Variants in ITGA8 observed in about 807,000 individuals in gnomAD.
ITGA8 encodes integrin subunit alpha 8.
A neutral mutation model predicts 142.3 loss-of-function variants in ITGA8; 91 were observed. The observed-to-expected ratio is 0.64, with a 90% CI of 0.54 to 0.76. The LOEUF is 0.76. Among genes scored for constraint, ITGA8 ranks in the 30% least tolerant of loss-of-function variants. ITGA8 has a pLI of 0.00. For missense variants in ITGA8, 1,406 were observed against 1,327.7 expected (o/e 1.06, Z -0.92); for synonymous variants, 505 against 485.2 (o/e 1.04, Z -0.54).
At position 15,516,887 on chromosome 10, in the gene ITGA8, G is replaced by T; in HGVS notation, c.*271C>A. 3.2e-6 allele frequency: 1 copy of T among 312,780 alleles called. No homozygotes were observed. Among genetic ancestry groups the T allele is most frequent in the Non-Finnish European group, 6.0e-6 (1 of 167,306 alleles). The allele number at this position is 312,780 out of a possible 1,614,324, so 19.4% of individuals were successfully genotyped here. On this transcript the variant is annotated 3_prime_UTR_variant, in exon 30 of 30. Coordinates refer to ENST00000378076, the MANE Select transcript of ITGA8 (RefSeq NM_003638.3). ...TTCCCATACGCATTTCAAAGTGTCT[G>T]CCAAGTACAGAACGATTAAAGCAAA... is the stretch of plus-strand genomic sequence containing the variant.
intron 27 of ITGA8, among the ~76,000 whole-genome samples, chr10:15,542,973 T>G (rs1833601798): frequency 6.6e-6 from 1 of 152,230 alleles, no homozygotes; most frequent in African/African-American, 2.4e-5. Context: ...AGATGTAGTC[T>G]GTCTCGGTCA....
intron 23 of ITGA8, among the ~76,000 whole-genome samples, chr10:15,582,868 GCA>G (rs1284363363): frequency 6.6e-6 from 1 of 152,234 alleles, no homozygotes; most frequent in Non-Finnish European, 1.5e-5. Flanking sequence ...GAAAACAGTT[GCA>G]CAGTTTCTTA....
At chr10:15,698,564 C>A (rs900016628) in intron 2 of ITGA8, among the ~76,000 whole-genome samples, 4 of 152,178 alleles carry the variant, frequency 2.6e-5, no homozygotes, top group Non-Finnish European at 5.9e-5. Context: ...AACATCCACA[C>A]CAACATCTAT....
chr10:15,718,956 A>T, intron 1 of ITGA8, 57 bp from the exon 2 acceptor site: 1 of 1,612,320 alleles, frequency 6.2e-7, no homozygotes, highest in South Asian at 1.1e-5. Flanking sequence ...TGCGCATGCA[A>T]TGCAGTCTCT....
intron 8 of ITGA8, among the ~76,000 whole-genome samples, chr10:15,667,692 G>C (rs1455361166): frequency 7.4e-6 from 1 of 135,288 alleles, no homozygotes; most frequent in Non-Finnish European, 1.6e-5. Context: ...TGCTTTGAAT[G>C]TGTCCCAGAG....
At chr10:15,703,316 G>A (rs1835199532) in intron 2 of ITGA8, among the ~76,000 whole-genome samples, 2 of 152,130 alleles carry the variant, frequency 1.3e-5, no homozygotes, top group South Asian at 4.1e-4. Context: ...TTCCTGTCTT[G>A]AATAACCAAT....
chr10:15,532,719 G>A (rs1833335051), intron 27 of ITGA8, among the ~76,000 whole-genome samples: 1 of 136,082 alleles, frequency 7.3e-6, no homozygotes. Context: ...GCTCATCATG[G>A]CTCTTGAGAC....
At chr10:15,593,286 A>C (rs1228411757) in intron 21 of ITGA8, among the ~76,000 whole-genome samples, 1 of 152,246 alleles carries the variant, frequency 6.6e-6, no homozygotes, top group Admixed American at 6.5e-5. Context: ...GATATAAATA[A>C]GGAAGTAAAA....
At chr10:15,546,079 G>C (rs1400100471) in intron 27 of ITGA8, among the ~76,000 whole-genome samples, 1 of 152,050 alleles carries the variant, frequency 6.6e-6, no homozygotes, top group East Asian at 1.9e-4. Flanking sequence ...TCTGCCTACA[G>C]GTCTTTGCGT....
At chr10:15,550,137 G>T (rs1397169221) in intron 26 of ITGA8, among the ~76,000 whole-genome samples, 1 of 152,136 alleles carries the variant, frequency 6.6e-6, no homozygotes, top group Non-Finnish European at 1.5e-5. Flanking sequence ...GCTTTATAAG[G>T]GGTTTCCTCT....
chr10:15,523,318 GT>G (rs888880356), intron 28 of ITGA8, among the ~76,000 whole-genome samples: 2 of 150,828 alleles, frequency 1.3e-5, no homozygotes, highest in African/African-American at 2.5e-5. Context: ...GACATTTAAA[GT>G]TTTTTTTGTA....
chr10:15,608,746 T>C (rs995230144), intron 15 of ITGA8, among the ~76,000 whole-genome samples: 2 of 152,028 alleles, frequency 1.3e-5, no homozygotes, highest in African/African-American at 4.8e-5. Context: ...GGCAAAGTTG[T>C]AGGAGGCAAG....
intron 26 of ITGA8, among the ~76,000 whole-genome samples, chr10:15,551,708 T>C (rs945808412): frequency 6.6e-6 from 1 of 152,206 alleles, no homozygotes; most frequent in African/African-American, 2.4e-5. Context: ...TCATCAGAAA[T>C]GGGATTCAGT....
At chr10:15,623,776 G>T (rs1257746558) in intron 13 of ITGA8, among the ~76,000 whole-genome samples, 1 of 152,116 alleles carries the variant, frequency 6.6e-6, no homozygotes, top group Non-Finnish European at 1.5e-5. Context: ...TAAGAGCTTT[G>T]ATAAATGCAC....
chr10:15,633,048 A>T (rs1316649919), intron 13 of ITGA8, among the ~76,000 whole-genome samples: 2 of 152,182 alleles, frequency 1.3e-5, no homozygotes, highest in African/African-American at 2.4e-5. Context: ...CATTCTGCTC[A>T]TTGCTAAGGA....
At chr10:15,622,920 T>C (rs78071189) in intron 13 of ITGA8, among the ~76,000 whole-genome samples, 2,139 of 152,300 alleles carry the variant, frequency 0.014, 40 homozygotes, top group African/African-American at 0.049. Flanking sequence ...ATATATCATT[T>C]TTTAACCTTG....
intron 27 of ITGA8, among the ~76,000 whole-genome samples, chr10:15,540,413 A>G (rs1470824820): frequency 1.3e-5 from 2 of 152,070 alleles, no homozygotes; most frequent in South Asian, 2.1e-4. Flanking sequence ...TGCCTGGCTT[A>G]TTTCACTTAA....
chr10:15,575,675 A>G (rs1834277278), intron 23 of ITGA8, 81 bp from the exon 24 acceptor site: 2 of 1,091,674 alleles, frequency 1.8e-6, no homozygotes, highest in Non-Finnish European at 2.8e-6. Context: ...TACTAACAGA[A>G]GCAGAAGAAA....
Position 15,666,913 on chromosome 10 carries a change from G to A in ITGA8, c.847+4690C>T, listed in dbSNP as rs542911852. Among the ~76,000 whole-genome samples the A allele has an allele frequency of 1.6e-3, 239 of 152,226 alleles. 2 individuals are homozygous for A. The highest frequency in any genetic ancestry group is 3.1e-3 in the Non-Finnish European group (210 of 68,016). ...AGCTTTTTCATGTGCTGCTGGATTC[G>A]GTTTGCCAGTACTTTATTGAGGATT... On this transcript the variant is annotated intron_variant, in intron 8 of 29. Coordinates refer to ENST00000378076, the MANE Select transcript of ITGA8 (RefSeq NM_003638.3).
Sources: gnomAD v4.1 joint callset for allele counts (sites outside exome capture counted in the v4.1 genomes callset) on GRCh38, gnomAD v4.1.1 for gene constraint, MANE v1.5 for transcripts, NCBI Gene and HGNC (gene_info 2026-07-23, HGNC 2026-07-21) for gene names.